KLHL8: variants seen among roughly 807,000 people sequenced by gnomAD.
KLHL8 encodes kelch-like protein 8.
A neutral mutation model predicts 63.5 loss-of-function variants in KLHL8; 38 were observed. That is an observed-to-expected ratio of 0.60 (90% CI 0.46 to 0.78). The LOEUF (loss-of-function observed/expected upper bound fraction) is 0.78. Among genes scored for constraint, KLHL8 ranks in the 30% least tolerant of loss-of-function variants. KLHL8 has a pLI of 0.00. For synonymous variants in KLHL8, 224 were observed against 254.3 expected (o/e 0.88, Z 1.13); for missense variants, 566 against 752.4 (o/e 0.75, Z 2.90).
At chr4:87,176,644 G>C (rs776822799) in intron 6 of KLHL8, 113 bp downstream of exon 6, 3 of 640,700 alleles carry the variant, frequency 4.7e-6, no homozygotes, top group Non-Finnish European at 8.2e-6. Context: ...AAATGTGTTT[G>C]AGAAGGTATT....
intron 2 of KLHL8, among the ~76,000 whole-genome samples, chr4:87,195,105 C>G (rs899791666): frequency 6.6e-6 from 1 of 152,078 alleles, no homozygotes; most frequent in East Asian, 1.9e-4. Flanking sequence ...TAATGAATAT[C>G]AACATTAAAT....
rs1385669205 is a variant in KLHL8, at chr4:87,185,610, T to C, written c.406A>G (p.Asn136Asp). 1 of 1,614,218 alleles carries C rather than the reference T, an allele frequency of 6.2e-7. No individual in the cohort carries two copies. Among genetic ancestry groups the C allele is most frequent in the Middle Eastern group, 1.6e-4 (1 of 6,062 alleles). Residue 136 changes from asparagine (N) to aspartate (D), a missense_variant, in exon 3 of 10, where the codon AAT becomes GAT. Transcript: ENST00000273963. ...YSSRLTLTVDNVQPLLYAACI... is the reference protein window; with the variant it reads ...YSSRLTLTVDDVQPLLYAACI... ...GCTGCATATAAGAGAGGCTGGACAT[T>C]GTCAACAGTCAAAGTGAGCCGTGAA...
At chr4:87,235,776 C>G (rs1349346600) in intron 1 of KLHL8, among the ~76,000 whole-genome samples, 1 of 152,140 alleles carries the variant, frequency 6.6e-6, no homozygotes, top group Non-Finnish European at 1.5e-5. Context: ...ACCCTATCAG[C>G]TCCTAATACA....
At chr4:87,166,565 C>T (rs1040038891) in intron 8 of KLHL8, among the ~76,000 whole-genome samples, 1 of 152,186 alleles carries the variant, frequency 6.6e-6, no homozygotes, top group African/African-American at 2.4e-5. Context: ...ACATTATTCC[C>T]GTTTCATAAT....
intron 1 of KLHL8, among the ~76,000 whole-genome samples, chr4:87,233,351 G>A (rs907834453): frequency 6.6e-6 from 1 of 152,142 alleles, no homozygotes; most frequent in African/African-American, 2.4e-5. Context: ...ACTTTGGGAG[G>A]CCGAGGCGGG....
At chr4:87,167,931 G>A (rs1046485965) in intron 8 of KLHL8, among the ~76,000 whole-genome samples, 2 of 152,184 alleles carry the variant, frequency 1.3e-5, no homozygotes, top group Non-Finnish European at 2.9e-5. Context: ...ACATAGCAAA[G>A]ACTATCCTTT....
At chr4:87,164,965 G>T (rs368665412) in intron 8 of KLHL8, among the ~76,000 whole-genome samples, 2 of 151,870 alleles carry the variant, frequency 1.3e-5, no homozygotes, top group South Asian at 4.2e-4. Context: ...TGGCTAACAC[G>T]GTGAAACCCC....
At chr4:87,201,583 A>G (rs1731921068) in intron 1 of KLHL8, among the ~76,000 whole-genome samples, 1 of 152,228 alleles carries the variant, frequency 6.6e-6, no homozygotes, top group East Asian at 1.9e-4. Context: ...CAGAATATAC[A>G]TTCTTTTCAA....
chr4:87,204,461 C>T (rs979176279), intron 1 of KLHL8, among the ~76,000 whole-genome samples: 2 of 152,054 alleles, frequency 1.3e-5, no homozygotes, highest in African/African-American at 4.8e-5. Flanking sequence ...TGACTCCTGG[C>T]AGTTTAACCT....
intron 1 of KLHL8, among the ~76,000 whole-genome samples, chr4:87,237,125 A>G (rs1733245366): frequency 6.6e-6 from 1 of 152,198 alleles, no homozygotes; most frequent in African/African-American, 2.4e-5. Context: ...TGAACACCGT[A>G]TTGAGTCCCA....
At chr4:87,214,359 T>C (rs1490223404) in intron 1 of KLHL8, among the ~76,000 whole-genome samples, 1 of 139,384 alleles carries the variant, frequency 7.2e-6, no homozygotes, top group Non-Finnish European at 1.6e-5. Context: ...AATAATAGTA[T>C]CAACCTCATA....
intron 8 of KLHL8, among the ~76,000 whole-genome samples, chr4:87,167,995 A>C (rs1730466722): frequency 6.6e-6 from 1 of 152,204 alleles, no homozygotes; most frequent in African/African-American, 2.4e-5. Context: ...ACTTCTCAGA[A>C]GACAGATGAA....
intron 1 of KLHL8, among the ~76,000 whole-genome samples, chr4:87,234,020 A>G (rs1240594459): frequency 1.3e-5 from 2 of 152,220 alleles, no homozygotes; most frequent in East Asian, 3.9e-4. Context: ...ATGAAGAACT[A>G]CATTTAGAGT....
Position 87,170,189 on chromosome 4 carries a change from CTAGA to C in KLHL8, c.1423_1426del (p.Ser475AlafsTer13), listed in dbSNP as rs1238538613. 3.1e-6 allele frequency: 5 copies of C among 1,613,814 alleles called. No individual in the cohort carries two copies. The highest frequency in any genetic ancestry group is 3.4e-6 in the Non-Finnish European group (4 of 1,179,934). Reference sequence around the variant, plus strand: ...CAGATGTGGATCATATCTCTCCACGCTAGATAAAGAAGCCATTCCATCATTGCCA... The same window carrying C: ...CAGATGTGGATCATATCTCTCCACGCTAAAGAAGCCATTCCATCATTGCCA... On this transcript the variant is annotated frameshift_variant, in exon 8 of 10. Transcript: ENST00000273963. LOFTEE classifies it high-confidence loss of function.
At chr4:87,204,336 G>A (rs1273637989) in intron 1 of KLHL8, among the ~76,000 whole-genome samples, 1 of 151,496 alleles carries the variant, frequency 6.6e-6, no homozygotes, top group African/African-American at 2.4e-5. Context: ...GAAACACCTG[G>A]AATTTTCATA....
chr4:87,226,606 A>T (rs574090111), intron 1 of KLHL8, among the ~76,000 whole-genome samples: 1 of 65,406 alleles, frequency 1.5e-5, no homozygotes, highest in Non-Finnish European at 2.6e-5. Flanking sequence ...TAATATATAT[A>T]TTATTTATAT....
chr4:87,175,690 A>G (rs536171647), intron 6 of KLHL8, among the ~76,000 whole-genome samples: 52 of 152,314 alleles, frequency 3.4e-4, no homozygotes, highest in Non-Finnish European at 6.3e-4. Context: ...GTATGTTACT[A>G]AAAATCTTCC....
intron 1 of KLHL8, chr4:87,207,312 C>G: frequency 1.7e-6 from 1 of 603,082 alleles, no homozygotes; most frequent in Non-Finnish European, 3.1e-6. Flanking sequence ...CCATTACCAT[C>G]TTCCAGGAGC....
intron 2 of KLHL8, 34 bp from the exon 3 acceptor site, chr4:87,185,833 A>T: frequency 1.0e-5 from 15 of 1,506,088 alleles, no homozygotes; most frequent in African/African-American, 1.4e-5. Context: ...ATTCTGTTTA[A>T]TATCAAAATC....
Sources: gnomAD v4.1 joint callset for allele counts (sites outside exome capture counted in the v4.1 genomes callset) on GRCh38, gnomAD v4.1.1 for gene constraint, MANE v1.5 for transcripts, NCBI Gene and HGNC (gene_info 2026-07-23, HGNC 2026-07-21) for gene names.